XKR6: variants seen among roughly 807,000 people sequenced by gnomAD.
XKR6 encodes the protein XK-related protein 6.
Under a neutral mutation model 56.7 loss-of-function variants are expected in XKR6, and 22 were observed. The observed-to-expected ratio is 0.39, with a 90% CI of 0.28 to 0.55. XKR6 has a LOEUF of 0.55. Ranked by LOEUF, XKR6 falls within the 20% of genes least tolerant of loss-of-function variation. The pLI is 0.66. For missense variants in XKR6, 852 were observed against 889.0 expected, an observed-to-expected ratio of 0.96 and a Z score of 0.53; for synonymous variants, 524 against 387.8, an observed-to-expected ratio of 1.35 and a Z score of -4.13.
chr8:11,081,360 T>A (rs1251011596), intron 1 of XKR6, among the ~76,000 whole-genome samples: 1 of 152,190 alleles, frequency 6.6e-6, no homozygotes, highest in African/African-American at 2.4e-5. Context: ...CAATGTCAAA[T>A]AGGTTATCCC....
chr8:11,105,948 T>A (rs1046153412), intron 1 of XKR6: 1 of 152,180 alleles, frequency 6.6e-6, no homozygotes, highest in African/African-American at 2.4e-5. Flanking sequence ...AAAAAATAAT[T>A]TCAAACGACA....
At chr8:10,919,894 C>G (rs532106451) in intron 2 of XKR6, among the ~76,000 whole-genome samples, 1 of 152,106 alleles carries the variant, frequency 6.6e-6, no homozygotes, top group East Asian at 1.9e-4. Flanking sequence ...TAAGGAAGAC[C>G]CTGCAGAAAT....
At chr8:11,012,135 T>G (rs1264033042) in intron 1 of XKR6, among the ~76,000 whole-genome samples, 1 of 152,132 alleles carries the variant, frequency 6.6e-6, no homozygotes, top group Non-Finnish European at 1.5e-5. Context: ...ACCTCAACTG[T>G]GCCCAGGGCC....
At chr8:10,992,338 G>A (rs1232561736) in intron 1 of XKR6, among the ~76,000 whole-genome samples, 1 of 151,864 alleles carries the variant, frequency 6.6e-6, no homozygotes, top group Non-Finnish European at 1.5e-5. Context: ...AGATTTTAGT[G>A]GCTGCTTATT....
intron 1 of XKR6, among the ~76,000 whole-genome samples, chr8:10,967,268 C>T (rs1244309640): frequency 5.3e-5 from 8 of 152,212 alleles, no homozygotes; most frequent in Admixed American, 5.2e-4. Context: ...ACACATCCCT[C>T]CTATGGCAAC....
intron 2 of XKR6, among the ~76,000 whole-genome samples, chr8:10,915,835 G>A (rs545917602): frequency 5.3e-5 from 8 of 152,210 alleles, no homozygotes; most frequent in African/African-American, 1.9e-4. Context: ...ATGTTCTAGC[G>A]GGAGGAGGCA....
At chr8:11,137,767 CT>C (rs150407253) in intron 1 of XKR6, 4,999 of 450,000 alleles carry the variant, frequency 0.011, 207 homozygotes, top group African/African-American at 0.088. Context: ...CTCCGGTCCT[CT>C]TTCTCTTTAC....
intron 1 of XKR6, among the ~76,000 whole-genome samples, chr8:11,034,333 C>T (rs1390054467): frequency 6.6e-6 from 1 of 152,028 alleles, no homozygotes; most frequent in Non-Finnish European, 1.5e-5. Context: ...TTTAGCCAAA[C>T]AAAATAACAA....
rs543843551 is a variant in XKR6, at chr8:11,150,223, A to G, written c.764+50353T>C. On this transcript the variant is annotated intron_variant, in intron 1 of 2. Coordinates refer to ENST00000416569, the MANE Select transcript of XKR6 (RefSeq NM_173683.4). Reference sequence around the variant, plus strand: ...TTTTGTGTATTTCAAAGTAGCTACAAGACAACTCAAAATGTTCACCAAACA... The same window carrying G: ...TTTTGTGTATTTCAAAGTAGCTACAGGACAACTCAAAATGTTCACCAAACA... Among the ~76,000 whole-genome samples, 5 of 152,322 alleles carry G rather than the reference A, an allele frequency of 3.3e-5. No homozygotes were observed. In the South Asian group the frequency reaches 1.0e-3, roughly 32 times the overall value.
Position 10,965,072 on chromosome 8 carries a change from T to C in XKR6, c.765-40242A>G, listed in dbSNP as rs1802177138. On this transcript the variant is annotated intron_variant, in intron 1 of 2. Transcript: ENST00000416569. Reference sequence around the variant, plus strand: ...CAACTGGACTGGACCACAAGCCTGCTTGTTGGGCTCTCAGCTTAGGAAACC... The same window carrying C: ...CAACTGGACTGGACCACAAGCCTGCCTGTTGGGCTCTCAGCTTAGGAAACC... Among the ~76,000 whole-genome samples the C allele has an allele frequency of 2.6e-5, 4 of 152,236 alleles. No homozygotes were observed. The South Asian group carries it at 6.2e-4, about 24-fold the overall frequency.
chr8:11,188,085 T>C (rs564316212), intron 1 of XKR6, among the ~76,000 whole-genome samples: 3 of 152,304 alleles, frequency 2.0e-5, no homozygotes, highest in Admixed American at 2.0e-4. Context: ...TGAGAGGTTT[T>C]TCAGGAATGT....
At chr8:10,919,785 C>CA (rs1800661141) in intron 2 of XKR6, among the ~76,000 whole-genome samples, 1 of 152,142 alleles carries the variant, frequency 6.6e-6, no homozygotes, top group Non-Finnish European at 1.5e-5. Flanking sequence ...CCTTAGCAGA[C>CA]ACAAGACTCA....
chr8:11,117,589 T>TA (rs1449472240), intron 1 of XKR6, among the ~76,000 whole-genome samples: 1 of 152,014 alleles, frequency 6.6e-6, no homozygotes, highest in African/African-American at 2.4e-5. Flanking sequence ...TGTGAAACCA[T>TA]AAAAATGTGA....
intron 1 of XKR6, among the ~76,000 whole-genome samples, chr8:10,969,735 T>G (rs1292818126): frequency 6.6e-6 from 1 of 152,142 alleles, no homozygotes; most frequent in Non-Finnish European, 1.5e-5. Flanking sequence ...CCCCACCCAC[T>G]GGGGCTGAGC....
chr8:11,013,961 C>G (rs1009190433), intron 1 of XKR6, among the ~76,000 whole-genome samples: 1 of 152,212 alleles, frequency 6.6e-6, no homozygotes, highest in Non-Finnish European at 1.5e-5. Context: ...AATCCATTCC[C>G]AGTCACTGCG....
Position 11,178,638 on chromosome 8 carries a change from T to A in XKR6, c.764+21938A>T, listed in dbSNP as rs868657269. On this transcript the variant is annotated intron_variant, in intron 1 of 2. Coordinates refer to ENST00000416569, the MANE Select transcript of XKR6 (RefSeq NM_173683.4). ...ATATATACACACACAAATATATATA[T>A]ACACATACACACAAATATATATATA... Among the ~76,000 whole-genome samples the A allele has an allele frequency of 4.5e-5, 6 of 132,790 alleles. No individual in the cohort carries two copies. In the South Asian group the frequency reaches 1.3e-3, roughly 29 times the overall value. 87.1% of individuals were successfully genotyped at this position (132,790 alleles called of 152,430 possible).
At chr8:10,951,986 G>C (rs1801739059) in intron 1 of XKR6, among the ~76,000 whole-genome samples, 2 of 152,160 alleles carry the variant, frequency 1.3e-5, no homozygotes, top group Non-Finnish European at 2.9e-5. Context: ...CTGAGAAAAA[G>C]CCAGGATCAG....
chr8:11,096,119 C>A (rs1586538662), intron 1 of XKR6, among the ~76,000 whole-genome samples: 1 of 152,226 alleles, frequency 6.6e-6, no homozygotes, highest in Admixed American at 6.5e-5. Flanking sequence ...ATTCATCCAA[C>A]AGATATTTTT....
intron 1 of XKR6, among the ~76,000 whole-genome samples, chr8:11,103,114 T>C (rs549566665): frequency 1.3e-5 from 2 of 152,338 alleles, no homozygotes; most frequent in African/African-American, 2.4e-5. Flanking sequence ...GGCAGTTTTT[T>C]TAATTTTAGA....
Sources: gnomAD v4.1 joint callset for allele counts (sites outside exome capture counted in the v4.1 genomes callset) on GRCh38, gnomAD v4.1.1 for gene constraint, MANE v1.5 for transcripts, NCBI Gene and HGNC (gene_info 2026-07-23, HGNC 2026-07-21) for gene names.